QNG1: variants seen among roughly 807,000 people sequenced by gnomAD.
QNG1 encodes queuosine 5'-phosphate N-glycosylase/hydrolase.
chr9:83,953,868 A>T, the QNG1 span: 3 of 1,383,152 alleles, frequency 2.2e-6, no homozygotes, highest in Non-Finnish European at 3.0e-6. Context: ...GAAAACACAA[A>T]ATATATATAC....
At chr9:83,956,300 C>A in the QNG1 span, 1 of 1,614,128 alleles carries the variant, frequency 6.2e-7, no homozygotes. Context: ...TCACGAACAC[C>A]CAGTTGACCG....
At chr9:83,948,513 G>A in the QNG1 span, among the ~76,000 whole-genome samples, 10 of 117,464 alleles carry the variant, frequency 8.5e-5, no homozygotes, top group South Asian at 8.2e-4. Flanking sequence ...CTGTCCGGGA[G>A]GGGGGGGGCG....
the QNG1 span, among the ~76,000 whole-genome samples, chr9:83,948,209 C>A: frequency 1.3e-5 from 2 of 151,768 alleles, no homozygotes; most frequent in Non-Finnish European, 2.9e-5. Flanking sequence ...ACCGCCACCC[C>A]GTCTGGGAGG....
the QNG1 span, among the ~76,000 whole-genome samples, chr9:83,941,367 G>C: frequency 1.3e-5 from 2 of 152,112 alleles, no homozygotes; most frequent in Non-Finnish European, 2.9e-5. Flanking sequence ...GGTCATACTG[G>C]ATTAGGATCA....
chr9:83,941,830 T>C, the QNG1 span, among the ~76,000 whole-genome samples: 2 of 151,926 alleles, frequency 1.3e-5, no homozygotes, highest in South Asian at 4.1e-4. Context: ...GGAGAATCAC[T>C]TGAACCCGGG....
At chr9:83,956,461 T>C in the QNG1 span, 18 of 1,536,356 alleles carry the variant, frequency 1.2e-5, no homozygotes, top group Non-Finnish European at 1.6e-5. Flanking sequence ...TTTTCTGCAA[T>C]GAATTTAGAG....
the QNG1 span, among the ~76,000 whole-genome samples, chr9:83,955,879 C>T: frequency 6.6e-6 from 1 of 152,184 alleles, no homozygotes; most frequent in Non-Finnish European, 1.5e-5. Flanking sequence ...TGCTTTATAA[C>T]ATCGGTCCTT....
the QNG1 span, chr9:83,956,340 T>C: frequency 6.2e-7 from 1 of 1,613,082 alleles, no homozygotes; most frequent in African/African-American, 1.3e-5. Context: ...GGGGTTCAGC[T>C]CATGAAGGGC....
chr9:83,946,775 T>C, the QNG1 span, among the ~76,000 whole-genome samples: 1 of 152,210 alleles, frequency 6.6e-6, no homozygotes, highest in Non-Finnish European at 1.5e-5. Context: ...AATTTTCATA[T>C]TTCAGTAGAG....
At chr9:83,955,733 A>C in the QNG1 span, 2 of 1,212,472 alleles carry the variant, frequency 1.6e-6, no homozygotes, top group Non-Finnish European at 2.4e-6. Flanking sequence ...TATGAAACCA[A>C]ATGAGTGGTA....
the QNG1 span, among the ~76,000 whole-genome samples, chr9:83,954,261 G>A: frequency 8.1e-3 from 1,235 of 152,132 alleles, 30 homozygotes; most frequent in East Asian, 0.037. Context: ...TAACCTTCTT[G>A]AAGTACTAAA....
chr9:83,949,413 G>A, the QNG1 span, among the ~76,000 whole-genome samples: 1 of 152,216 alleles, frequency 6.6e-6, no homozygotes, highest in Admixed American at 6.5e-5. Context: ...GGAGGCCGAG[G>A]CGGGTGGATC....
chr9:83,948,508 C>G, the QNG1 span, among the ~76,000 whole-genome samples: 3 of 113,952 alleles, frequency 2.6e-5, no homozygotes, highest in Non-Finnish European at 5.8e-5. Context: ...CCGCCCTGTC[C>G]GGGAGGGGGG....
the QNG1 span, chr9:83,955,618 C>G: frequency 1.9e-6 from 3 of 1,613,282 alleles, no homozygotes; most frequent in South Asian, 2.2e-5. Context: ...TCGCGTAGTA[C>G]GAGGCACTAG....
the QNG1 span, among the ~76,000 whole-genome samples, chr9:83,949,597 G>A: frequency 6.6e-6 from 1 of 152,036 alleles, no homozygotes; most frequent in Non-Finnish European, 1.5e-5. Flanking sequence ...GATGAGCCGA[G>A]TTCACGCCAT....
chr9:83,944,999 G>C, the QNG1 span: 9 of 1,588,058 alleles, frequency 5.7e-6, no homozygotes, highest in Middle Eastern at 1.7e-4. Context: ...CCTGATGAAT[G>C]AAGAGAATAT....
chr9:83,939,528 G>A, the QNG1 span: 6 of 1,612,258 alleles, frequency 3.7e-6, no homozygotes, highest in Non-Finnish European at 5.1e-6. Flanking sequence ...TATATGCAAC[G>A]TATGCGATGA....
chr9:83,947,810 C>T, the QNG1 span, among the ~76,000 whole-genome samples: 2 of 152,246 alleles, frequency 1.3e-5, no homozygotes, highest in South Asian at 4.1e-4. Context: ...CTCGCTCACT[C>T]AGTGCTCAAT....
chr9:83,956,411 C>A, the QNG1 span: 4 of 1,586,694 alleles, frequency 2.5e-6, no homozygotes, highest in Non-Finnish European at 3.4e-6. Context: ...GCTCTGCCAC[C>A]CTCCGTACGC....
Sources: gnomAD v4.1 joint callset for allele counts (sites outside exome capture counted in the v4.1 genomes callset) on GRCh38, gnomAD v4.1.1 for gene constraint, MANE v1.5 for transcripts, NCBI Gene and HGNC (gene_info 2026-07-23, HGNC 2026-07-21) for gene names.